The following MYRIP variants were observed in gnomAD, a reference collection of about 807,000 sequenced individuals.
The protein encoded by MYRIP is rab effector MyRIP.
A neutral mutation model predicts 98.0 loss-of-function variants in MYRIP; 49 were observed. That is an observed-to-expected ratio of 0.50 (90% CI 0.40 to 0.63). The LOEUF (loss-of-function observed/expected upper bound fraction) is 0.63, where lower values mean the gene tolerates loss of function less well. Among genes scored for constraint, MYRIP ranks in the 30% least tolerant of loss-of-function variants. The pLI, the probability that MYRIP is intolerant of heterozygous loss-of-function variation, is 0.00. For missense variants in MYRIP, 1,004 were observed against 1,058.2 expected (o/e 0.95, Z 0.71); for synonymous variants, 404 against 409.5 (o/e 0.99, Z 0.16).
intron 1 of MYRIP, among the ~76,000 whole-genome samples, chr3:39,830,002 C>A (rs1182301000): frequency 6.6e-6 from 1 of 152,200 alleles, no homozygotes; most frequent in Non-Finnish European, 1.5e-5. Flanking sequence ...TTCCTAGTAA[C>A]TACCAGCTTC....
chr3:40,089,171 A>G (rs141552082), intron 3 of MYRIP, among the ~76,000 whole-genome samples: 80 of 152,308 alleles, frequency 5.3e-4, no homozygotes, highest in Non-Finnish European at 9.7e-4. Flanking sequence ...TTTTACTGCT[A>G]TATGACAGGA....
chr3:40,087,659 A>G (rs1191650439), intron 3 of MYRIP, among the ~76,000 whole-genome samples: 1 of 152,178 alleles, frequency 6.6e-6, no homozygotes, highest in Non-Finnish European at 1.5e-5. Flanking sequence ...CCACTATGTA[A>G]ATACTACTAC....
chr3:40,057,633 C>T (rs1947911323), intron 3 of MYRIP, among the ~76,000 whole-genome samples: 1 of 152,096 alleles, frequency 6.6e-6, no homozygotes, highest in African/African-American at 2.4e-5. Flanking sequence ...TAGTGGTGCA[C>T]ACATGGAATG....
At chr3:40,065,030 G>C (rs927111014) in intron 3 of MYRIP, among the ~76,000 whole-genome samples, 4 of 152,100 alleles carry the variant, frequency 2.6e-5, no homozygotes, top group Non-Finnish European at 5.9e-5. Flanking sequence ...CCACAAACTG[G>C]GTGGGTTAAA....
At chr3:40,029,709 A>C (rs1206365138) in intron 2 of MYRIP, among the ~76,000 whole-genome samples, 1 of 152,128 alleles carries the variant, frequency 6.6e-6, no homozygotes, top group Non-Finnish European at 1.5e-5. Flanking sequence ...AGGGACTTGT[A>C]TCTAGAATAT....
intron 12 of MYRIP, chr3:40,242,498 A>AG (rs1953054147): frequency 7.9e-6 from 1 of 126,508 alleles, no homozygotes; most frequent in African/African-American, 3.7e-5. Flanking sequence ...TTGGCAGGAA[A>AG]AAAAAAAAAA....
chr3:40,064,340 A>G (rs993367850), intron 3 of MYRIP, among the ~76,000 whole-genome samples: 1 of 152,042 alleles, frequency 6.6e-6, no homozygotes, highest in Admixed American at 6.6e-5. Flanking sequence ...AAGGGGGCAA[A>G]AAGTGGCCTT....
intron 3 of MYRIP, among the ~76,000 whole-genome samples, chr3:40,067,869 G>A (rs1022733184): frequency 1.3e-5 from 2 of 152,178 alleles, no homozygotes; most frequent in African/African-American, 2.4e-5. Flanking sequence ...TCATCTCTAC[G>A]TGTTATCATC....
At chr3:39,971,835 G>A (rs1575425177) in intron 2 of MYRIP, among the ~76,000 whole-genome samples, 3 of 152,052 alleles carry the variant, frequency 2.0e-5, no homozygotes, top group South Asian at 2.1e-4. Context: ...AATAAAACCA[G>A]GTTGGAGGTT....
At chr3:40,134,551 G>A (rs1231753930) in intron 3 of MYRIP, among the ~76,000 whole-genome samples, 1 of 152,234 alleles carries the variant, frequency 6.6e-6, no homozygotes, top group Non-Finnish European at 1.5e-5. Context: ...CTCCCAGCAT[G>A]CAGCTTGAGA....
intron 2 of MYRIP, among the ~76,000 whole-genome samples, chr3:39,911,996 C>T (rs114570977): frequency 0.016 from 2,456 of 152,322 alleles, 62 homozygotes; most frequent in African/African-American, 0.056. Flanking sequence ...TCTTCTCCTT[C>T]TCCCAGATGG....
chr3:40,060,284 C>T (rs1420390515), intron 3 of MYRIP, among the ~76,000 whole-genome samples: 1 of 152,194 alleles, frequency 6.6e-6, no homozygotes, highest in East Asian at 1.9e-4. Context: ...GACAGCAAGG[C>T]AGTGATGCCT....
chr3:40,057,252 G>C (rs1343720350), intron 3 of MYRIP, among the ~76,000 whole-genome samples: 1 of 152,080 alleles, frequency 6.6e-6, no homozygotes, highest in Non-Finnish European at 1.5e-5. Flanking sequence ...AGCCTAAACA[G>C]TCCTATGTCA....
At chr3:40,130,379 C>A (rs943653717) in intron 3 of MYRIP, among the ~76,000 whole-genome samples, 4 of 139,260 alleles carry the variant, frequency 2.9e-5, no homozygotes, top group African/African-American at 1.1e-4. Context: ...GTCCAAATTT[C>A]TTTTTTTTTT....
At chr3:40,240,683 C>G (rs544373987) in intron 12 of MYRIP, among the ~76,000 whole-genome samples, 2 of 152,326 alleles carry the variant, frequency 1.3e-5, no homozygotes, top group African/African-American at 2.4e-5. Context: ...GAAATCAGCT[C>G]TTGTCTCCCC....
chr3:40,043,293 C>A (rs907748611), intron 2 of MYRIP, among the ~76,000 whole-genome samples: 1 of 152,086 alleles, frequency 6.6e-6, no homozygotes, highest in Non-Finnish European at 1.5e-5. Context: ...TGGGGACCCC[C>A]ATTTTCGTAG....
In MYRIP at chr3:40,209,897, G is replaced by A. The variant is rs146905729; in HGVS notation, c.1709G>A (p.Arg570Gln). 770 of 1,613,948 alleles carry A rather than the reference G, an allele frequency of 4.8e-4. 1 individual carries two copies. Among genetic ancestry groups the A allele is most frequent in the South Asian group, 1.5e-3 (139 of 91,070 alleles). Residue 570 changes from arginine to glutamine, a missense_variant, in exon 11 of 17, where the codon CGG becomes CAG. Physicochemically the swap from Arg to Gln is conservative, Grantham distance 43 (BLOSUM62 1). Transcript: ENST00000302541. Reference protein sequence around the residue: ...LSETDISNEARDPQTLTDTTE... With the variant: ...LSETDISNEAQDPQTLTDTTE... Reference sequence around the variant, plus strand: ...GAGACAGACATCAGCAATGAGGCTCGGGATCCCCAGACTCTCACAGACACC... The same window carrying A: ...GAGACAGACATCAGCAATGAGGCTCAGGATCCCCAGACTCTCACAGACACC...
intron 13 of MYRIP, among the ~76,000 whole-genome samples, chr3:40,247,894 G>A (rs557977226): frequency 2.0e-5 from 3 of 152,362 alleles, no homozygotes; most frequent in South Asian, 4.1e-4. Context: ...AGGCATACAC[G>A]CACTTGCCTA....
chr3:40,214,651 G>A (rs1459789606), intron 11 of MYRIP, among the ~76,000 whole-genome samples: 1 of 152,176 alleles, frequency 6.6e-6, no homozygotes, highest in African/African-American at 2.4e-5. Context: ...AAAAGGTCAT[G>A]TTTCTTCTTT....
Sources: gnomAD v4.1 joint callset for allele counts (sites outside exome capture counted in the v4.1 genomes callset) on GRCh38, gnomAD v4.1.1 for gene constraint, MANE v1.5 for transcripts, NCBI Gene and HGNC (gene_info 2026-07-23, HGNC 2026-07-21) for gene names.